PCDH9: variants seen among roughly 807,000 people sequenced by gnomAD.
PCDH9 encodes the protein protocadherin-9.
A neutral mutation model predicts 70.6 loss-of-function variants in PCDH9; 24 were observed. That is an observed-to-expected ratio of 0.34 (90% CI 0.25 to 0.48). The LOEUF is 0.48. Among genes scored for constraint, PCDH9 ranks in the 20% least tolerant of loss-of-function variants. The pLI, the probability that PCDH9 is intolerant of heterozygous loss-of-function variation, is 0.99. For synonymous variants in PCDH9, 562 were observed against 558.5 expected (o/e 1.01, Z -0.09); for missense variants, 1,281 against 1,503.6 (o/e 0.85, Z 2.45).
chr13:66,320,483 C>T (rs2138086766), intron 4 of PCDH9, among the ~76,000 whole-genome samples: 1 of 151,934 alleles, frequency 6.6e-6, no homozygotes, highest in East Asian at 1.9e-4. Context: ...GATCTGTGAA[C>T]CTTTGGCAAG....
At position 66,901,800 on chromosome 13, in the gene PCDH9, G is replaced by A. The variant is rs1416013964; in HGVS notation, c.3138+1704C>T. Among the ~76,000 whole-genome samples, 6 of 151,686 alleles carry A rather than the reference G, an allele frequency of 4.0e-5. No homozygotes were observed. In the East Asian group the frequency reaches 5.8e-4, roughly 15 times the overall value. On this transcript the variant is annotated intron_variant, in intron 3 of 4. Coordinates refer to ENST00000377865, the MANE Select transcript of PCDH9 (RefSeq NM_203487.3). ...CATTTATATTCTCTACGAAAAATAC[G>A]AAAATCTCCAATAAATCATCTCACC...
At chr13:67,000,163 T>C (rs1483716268) in intron 2 of PCDH9, among the ~76,000 whole-genome samples, 1 of 152,044 alleles carries the variant, frequency 6.6e-6, no homozygotes, top group Non-Finnish European at 1.5e-5. Context: ...TAAAAAATGA[T>C]GAGTTCATGT....
chr13:66,349,481 AGAC>A (rs1487252040), intron 4 of PCDH9, among the ~76,000 whole-genome samples: 4 of 152,216 alleles, frequency 2.6e-5, no homozygotes, highest in African/African-American at 9.6e-5. Context: ...GCTTTGGAGA[AGAC>A]AGAAAATATG....
chr13:67,176,299 C>G, intron 2 of PCDH9, among the ~76,000 whole-genome samples: 1 of 152,064 alleles, frequency 6.6e-6, no homozygotes, highest in East Asian at 1.9e-4. Flanking sequence ...CAGCATAAAG[C>G]AAATTGCTCA....
At chr13:66,494,702 C>T (rs934145296) in intron 4 of PCDH9, among the ~76,000 whole-genome samples, 1 of 152,076 alleles carries the variant, frequency 6.6e-6, no homozygotes, top group African/African-American at 2.4e-5. Context: ...AAATTTAAAG[C>T]ATATCCAGTT....
intron 4 of PCDH9, among the ~76,000 whole-genome samples, chr13:66,407,221 A>G (rs1186974926): frequency 6.6e-6 from 1 of 152,262 alleles, no homozygotes; most frequent in Non-Finnish European, 1.5e-5. Context: ...CGAAAAAGGC[A>G]GCAATAAATA....
chr13:66,303,684 C>G lies in PCDH9; in HGVS notation c.*971G>C, dbSNP rs1955409654. 1 of 152,354 alleles carries G rather than the reference C, an allele frequency of 6.6e-6. No individual in the cohort carries two copies. The highest frequency in any genetic ancestry group is 2.1e-4 in the South Asian group (1 of 4,820). The allele number at this position is 152,354 out of a possible 1,614,324, so 9.4% of individuals were successfully genotyped here. Reference sequence around the variant, plus strand: ...GTGACAAGTACAGGATATTATATCACTTTTGATGGATAACAGTTTTCCATT... The same window carrying G: ...GTGACAAGTACAGGATATTATATCAGTTTTGATGGATAACAGTTTTCCATT... On this transcript the variant is annotated 3_prime_UTR_variant, in exon 5 of 5. Transcript: ENST00000377865.
In PCDH9 at chr13:66,885,866, T is replaced by G. The variant is rs188728856; in HGVS notation, c.3138+17638A>C. 2.8e-4 allele frequency: 42 copies of G among 152,288 alleles called. 1 individual carries two copies. In the East Asian group the frequency reaches 7.0e-3, roughly 25 times the overall value. 9.4% of individuals were successfully genotyped at this position (152,288 alleles called of 1,614,324 possible). The stretch of plus-strand genomic sequence containing the variant: ...TTATACTTCTTCTCACGAAACTGTT[T>G]TCTTTATCTAAAAACTAATTTGTAT... On this transcript the variant is annotated intron_variant, in intron 3 of 4. Coordinates refer to ENST00000377865, the MANE Select transcript of PCDH9 (RefSeq NM_203487.3).
Position 67,227,954 on chromosome 13 carries a change from T to G in PCDH9, c.487A>C (p.Ile163Leu). Residue 163 changes from isoleucine (I) to leucine (L), a missense_variant, in exon 2 of 5, where the codon ATT becomes CTT. Ile to Leu is a conservative substitution (Grantham distance 5). Transcript: ENST00000377865. This position sits in a 1 kb window ranked among gnomAD's most constrained non-coding sequence, Gnocchi z 4.6. ...GTGTCAGGATCTGTTGCTGATGGAA[T>G]TGGAAAGCGGCTGTTGATCAAAGTG... is the stretch of plus-strand genomic sequence containing the variant. ...ENTLINSRFP[I>L]PSATDPDTGF... 3 of 1,614,140 alleles carry G rather than the reference T, an allele frequency of 1.9e-6. No individual in the cohort carries two copies. The highest frequency in any genetic ancestry group is 2.5e-6 in the Non-Finnish European group (3 of 1,180,036).
At chr13:66,527,067 G>T (rs184952435) in intron 4 of PCDH9, among the ~76,000 whole-genome samples, 1 of 152,110 alleles carries the variant, frequency 6.6e-6, no homozygotes, top group African/African-American at 2.4e-5. Context: ...GTTGAGATGC[G>T]AAAGCCAACT....
chr13:66,597,515 C>T (rs968734786), intron 4 of PCDH9, among the ~76,000 whole-genome samples: 1 of 151,758 alleles, frequency 6.6e-6, no homozygotes, highest in African/African-American at 2.4e-5. Context: ...GCTGGGAAGA[C>T]TGGACATCCA....
intron 2 of PCDH9, among the ~76,000 whole-genome samples, chr13:67,122,163 C>T (rs1207153049): frequency 2.0e-5 from 3 of 152,134 alleles, no homozygotes; most frequent in Non-Finnish European, 4.4e-5. Context: ...GCATTCTCCT[C>T]ACATGGTAGA....
chr13:66,927,646 T>A (rs1159078976), intron 2 of PCDH9, among the ~76,000 whole-genome samples: 1 of 152,108 alleles, frequency 6.6e-6, no homozygotes, highest in African/African-American at 2.4e-5. Context: ...TTCTGAGTCC[T>A]CTTTCTCCTT....
intron 4 of PCDH9, among the ~76,000 whole-genome samples, chr13:66,358,607 TTTATAAA>T (rs1306632229): frequency 5.9e-5 from 9 of 152,022 alleles, no homozygotes; most frequent in African/African-American, 2.2e-4. Flanking sequence ...TGAACCTACT[TTTATAAA>T]CTATTGCAAA....
chr13:66,325,329 CT>C (rs1187600150), intron 4 of PCDH9, among the ~76,000 whole-genome samples: 1 of 152,014 alleles, frequency 6.6e-6, no homozygotes, highest in Non-Finnish European at 1.5e-5. Flanking sequence ...CTTTAGGTCT[CT>C]AACTGATTGC....
chr13:66,827,360 C>CAAAA (rs71110608), intron 3 of PCDH9, among the ~76,000 whole-genome samples: 4 of 120,266 alleles, frequency 3.3e-5, no homozygotes, highest in East Asian at 4.8e-4. Flanking sequence ...AGGAAAATGG[C>CAAAA]AAAAAAAAAA....
At chr13:66,855,026 T>C (rs1315385388) in intron 3 of PCDH9, among the ~76,000 whole-genome samples, 1 of 152,096 alleles carries the variant, frequency 6.6e-6, no homozygotes, top group Non-Finnish European at 1.5e-5. Flanking sequence ...CCTGAATGCA[T>C]TCCTTTCTAA....
At chr13:66,517,726 C>T (rs181858395) in intron 4 of PCDH9, among the ~76,000 whole-genome samples, 62 of 152,154 alleles carry the variant, frequency 4.1e-4, no homozygotes, top group Middle Eastern at 3.4e-3. Context: ...ATTTTAGTAG[C>T]GAATCTTAAA....
chr13:66,863,693 A>C (rs2081522485), intron 3 of PCDH9, among the ~76,000 whole-genome samples: 1 of 152,068 alleles, frequency 6.6e-6, no homozygotes, highest in African/African-American at 2.4e-5. Context: ...TCACCGTGTT[A>C]GCCAGATGGT....
Sources: gnomAD v4.1 joint callset for allele counts (sites outside exome capture counted in the v4.1 genomes callset) on GRCh38, gnomAD v4.1.1 for gene constraint, Gnocchi (gnomAD v3.1) non-coding constraint, MANE v1.5 for transcripts, NCBI Gene and HGNC (gene_info 2026-07-23, HGNC 2026-07-21) for gene names.